Variants in IGSF21 observed in about 807,000 individuals in gnomAD.
IGSF21 encodes immunoglobulin superfamily member 21.
In IGSF21, 28 loss-of-function variants were observed where a neutral mutation model predicts 46.8. That is an observed-to-expected ratio of 0.60 (90% CI 0.44 to 0.82). The LOEUF is 0.82. IGSF21 is among the 40% of genes least tolerant of loss of function. The pLI is 0.00. For synonymous variants in IGSF21, 284 were observed against 273.6 expected (o/e 1.04, Z -0.38); for missense variants, 624 against 665.5 (o/e 0.94, Z 0.69).
intron 1 of IGSF21, among the ~76,000 whole-genome samples, chr1:18,145,625 A>T (rs778970501): frequency 1.1e-4 from 17 of 152,154 alleles, no homozygotes; most frequent in Non-Finnish European, 2.4e-4. Flanking sequence ...CACAGATGCA[A>T]TAAATACGAG....
chr1:18,371,899 G>A (rs2086228643), intron 6 of IGSF21, among the ~76,000 whole-genome samples: 1 of 152,204 alleles, frequency 6.6e-6, no homozygotes, highest in Non-Finnish European at 1.5e-5. Context: ...CACAAGGTAG[G>A]AATTGAGATT....
chr1:18,369,189 A>G (rs570390114), intron 6 of IGSF21, among the ~76,000 whole-genome samples: 100 of 152,282 alleles, frequency 6.6e-4, no homozygotes, highest in Middle Eastern at 3.4e-3. Flanking sequence ...ACCTGGGCTG[A>G]CTTCCTAGCC....
chr1:18,359,459 A>AACGGG (rs2086074561), intron 4 of IGSF21, among the ~76,000 whole-genome samples: 1 of 116,636 alleles, frequency 8.6e-6, no homozygotes, highest in African/African-American at 3.7e-5. Context: ...AGAAAGAAAG[A>AACGGG]AAGGGAAGGA....
rs375600424 is a variant in IGSF21 at position 18,376,875 on chromosome 1, G to C, written c.1177G>C (p.Asp393His). The C allele has an allele frequency of 9.3e-6, 15 of 1,612,780 alleles. No individual in the cohort carries two copies. The highest frequency in any genetic ancestry group is 1.2e-5 in the Non-Finnish European group (14 of 1,179,024). ...SRLLDGSAEF[D>H]GKELVLERVP... is the part of the protein sequence containing the mutation. ...CCTCCTGGACGGCAGCGCTGAGTTC[G>C]ACGGGAAGGAGCTGGTGCTGGAGCG... The change falls in exon 8 of 10, where the codon GAC becomes CAC. Residue 393 changes from aspartate (D) to histidine (H), a missense_variant. Physicochemically the swap from Asp to His is moderately conservative, Grantham distance 81. Coordinates refer to ENST00000251296, the MANE Select transcript of IGSF21 (RefSeq NM_032880.5).
intron 2 of IGSF21, among the ~76,000 whole-genome samples, chr1:18,270,691 G>A (rs962005159): frequency 6.6e-6 from 1 of 152,174 alleles, no homozygotes; most frequent in Admixed American, 6.5e-5. Flanking sequence ...GCCGGGCTCC[G>A]TGACAATGGG....
At chr1:18,362,033 G>A (rs745664504) in intron 4 of IGSF21, 82 bp from the exon 5 acceptor site, 9 of 919,654 alleles carry the variant, frequency 9.8e-6, no homozygotes, top group Non-Finnish European at 1.2e-5. Context: ...CAGCATGGAC[G>A]TGGCCCATCT....
In IGSF21 at chr1:18,262,378, T is replaced by C. The variant is rs751880280; in HGVS notation, c.184-29488T>C. 1.8e-4 allele frequency among the ~76,000 whole-genome samples: 27 copies of C among 152,316 alleles called. No individual in the cohort carries two copies. In the East Asian group the frequency reaches 3.9e-3, roughly 22 times the overall value. On this transcript the variant is annotated intron_variant, in intron 2 of 9. Transcript: ENST00000251296. ...GACGGATGGGATGAACACTGTGGCA[T>C]CTGCTGCAAGCTCAGAGGGTCCGGC...
Position 18,108,107 on chromosome 1 carries a change from C to A in IGSF21, c.-22C>A. ...CGCCTCCACCCCCGCCGCCCCGCCA[C>A]CGCCGCCAGCTCCCGGGCACCATGC... On this transcript the variant is annotated 5_prime_UTR_variant, in exon 1 of 10. Transcript: ENST00000251296. 7.9e-7 allele frequency: 1 copy of A among 1,268,760 alleles called. No homozygotes were observed. The highest frequency in any genetic ancestry group is 1.0e-6 in the Non-Finnish European group (1 of 963,246). 78.6% of individuals were successfully genotyped at this position (1,268,760 alleles called of 1,614,324 possible).
chr1:18,217,750 C>T (rs2084464103), intron 1 of IGSF21, among the ~76,000 whole-genome samples: 1 of 152,164 alleles, frequency 6.6e-6, no homozygotes, highest in African/African-American at 2.4e-5. Flanking sequence ...GAGTGGGTTG[C>T]CATGAGGTGG....
At chr1:18,239,968 A>G (rs1204658888) in intron 2 of IGSF21, among the ~76,000 whole-genome samples, 1 of 152,206 alleles carries the variant, frequency 6.6e-6, no homozygotes, top group Non-Finnish European at 1.5e-5. Flanking sequence ...TTGGGAATAG[A>G]GCACAGAATA....
intron 2 of IGSF21, among the ~76,000 whole-genome samples, chr1:18,250,693 G>A (rs578081037): frequency 6.6e-6 from 1 of 152,222 alleles, no homozygotes; most frequent in Non-Finnish European, 1.5e-5. Flanking sequence ...TTCCTCTTGT[G>A]CTAAGTGGGG....
chr1:18,147,977 C>T (rs2086485726), intron 1 of IGSF21, among the ~76,000 whole-genome samples: 1 of 151,986 alleles, frequency 6.6e-6, no homozygotes. Flanking sequence ...GGGGTGTTTT[C>T]CTGCAGAAGT....
chr1:18,354,337 AG>A (rs2085992058), intron 4 of IGSF21, among the ~76,000 whole-genome samples: 1 of 152,190 alleles, frequency 6.6e-6, no homozygotes, highest in East Asian at 1.9e-4. Context: ...TCTTTTGAGC[AG>A]GTTCTTGAAG....
intron 2 of IGSF21, among the ~76,000 whole-genome samples, chr1:18,260,709 G>C (rs1333366373): frequency 6.6e-6 from 1 of 152,176 alleles, no homozygotes; most frequent in Non-Finnish European, 1.5e-5. Context: ...GTGCACTGGT[G>C]GGCATGTCTT....
chr1:18,359,651 T>C (rs1036256887), intron 4 of IGSF21, among the ~76,000 whole-genome samples: 13 of 152,190 alleles, frequency 8.5e-5, no homozygotes, highest in Non-Finnish European at 1.5e-4. Flanking sequence ...GAATGTATCC[T>C]GATACCTATT....
intron 3 of IGSF21, among the ~76,000 whole-genome samples, chr1:18,318,517 T>A (rs10796446): frequency 0.61 from 92,992 of 151,644 alleles, 29,360 homozygotes; most frequent in East Asian, 0.94. Context: ...TGGGACTGTT[T>A]CTGCTTAGAC....
chr1:18,166,614 G>A (rs1050590560), intron 1 of IGSF21, among the ~76,000 whole-genome samples: 17 of 152,288 alleles, frequency 1.1e-4, no homozygotes, highest in Non-Finnish European at 1.9e-4. Flanking sequence ...CAACCATTGC[G>A]ATTTTCTTTA....
intron 2 of IGSF21, among the ~76,000 whole-genome samples, chr1:18,244,689 A>G (rs1477694158): frequency 1.3e-5 from 2 of 152,210 alleles, no homozygotes; most frequent in African/African-American, 2.4e-5. Flanking sequence ...CTGGTGGAAT[A>G]AAGGAAACTG....
chr1:18,267,525 C>T (rs2085001212), intron 2 of IGSF21, among the ~76,000 whole-genome samples: 1 of 152,186 alleles, frequency 6.6e-6, no homozygotes. Flanking sequence ...TGGAAAAAGA[C>T]ATTTCTAGGC....
Sources: allele counts gnomAD v4.1 joint callset (sites outside exome capture counted in the v4.1 genomes callset), GRCh38; gene constraint gnomAD v4.1.1; transcripts MANE v1.5; gene names NCBI Gene and HGNC (gene_info 2026-07-23, HGNC 2026-07-21).